The following CAST variants were observed in gnomAD, a reference collection of about 807,000 sequenced individuals.
CAST encodes calpastatin, also known as MIR583 host.
CAST carries 76 observed loss-of-function variants against 119.6 expected under a neutral mutation model. That is an observed-to-expected ratio of 0.64 (90% CI 0.53 to 0.77). CAST has a LOEUF of 0.77. Ranked by LOEUF, CAST falls within the 30% of genes least tolerant of loss-of-function variation. CAST has a pLI of 0.00. For missense variants in CAST, 953 were observed against 946.5 expected (o/e 1.01, Z -0.09); for synonymous variants, 319 against 331.6 (o/e 0.96, Z 0.41).
chr5:96,714,349 C>T (rs1303655711), intron 3 of CAST, among the ~76,000 whole-genome samples: 1 of 152,140 alleles, frequency 6.6e-6, no homozygotes, highest in Non-Finnish European at 1.5e-5. Context: ...TTATTTAATG[C>T]CCTTCACTAA....
the CAST span, among the ~76,000 whole-genome samples, chr5:96,300,900 A>C: frequency 6.8e-6 from 1 of 145,990 alleles, no homozygotes; most frequent in Non-Finnish European, 1.5e-5. Flanking sequence ...TTGTTTTTGG[A>C]AAGTTCACGT....
the CAST span, among the ~76,000 whole-genome samples, chr5:96,469,774 C>T: frequency 2.0e-5 from 3 of 149,922 alleles, no homozygotes; most frequent in East Asian, 5.9e-4. Flanking sequence ...GGAAGCATCC[C>T]ATGCATAATA....
At chr5:96,371,183 A>G in the CAST span, among the ~76,000 whole-genome samples, 1 of 152,216 alleles carries the variant, frequency 6.6e-6, no homozygotes, top group African/African-American at 2.4e-5. Flanking sequence ...AAATGGAGTC[A>G]CTTTTCTATG....
chr5:96,571,549 T>A (rs1472282111), intron 1 of CAST, among the ~76,000 whole-genome samples: 1 of 152,240 alleles, frequency 6.6e-6, no homozygotes, highest in African/African-American at 2.4e-5. Flanking sequence ...GTTACACAGT[T>A]AACTGAACCG....
At chr5:96,558,989 C>A (rs1360463149) in intron 1 of CAST, among the ~76,000 whole-genome samples, 1 of 152,038 alleles carries the variant, frequency 6.6e-6, no homozygotes, top group Admixed American at 6.6e-5. Flanking sequence ...TCCAGCAGCA[C>A]ATCAAAAAGC....
the CAST span, among the ~76,000 whole-genome samples, chr5:96,010,213 G>C: frequency 7.2e-5 from 11 of 152,160 alleles, no homozygotes; most frequent in Non-Finnish European, 1.6e-4. Context: ...AGTATAGCTT[G>C]AGATTGGGTA....
the CAST span, among the ~76,000 whole-genome samples, chr5:96,337,170 A>C: frequency 6.6e-6 from 1 of 152,156 alleles, no homozygotes; most frequent in African/African-American, 2.4e-5. Context: ...TCTGATTCCA[A>C]GGGTCTCTTC....
chr5:96,595,285 G>T (rs1471376961), intron 1 of CAST, among the ~76,000 whole-genome samples: 1 of 152,196 alleles, frequency 6.6e-6, no homozygotes, highest in Non-Finnish European at 1.5e-5. Flanking sequence ...GTGGCTCAAG[G>T]TGAGGAAAAA....
At chr5:96,344,158 A>G in the CAST span, among the ~76,000 whole-genome samples, 1 of 152,150 alleles carries the variant, frequency 6.6e-6, no homozygotes, top group African/African-American at 2.4e-5. Flanking sequence ...GCCAAGGGAC[A>G]ATATCAAAGG....
chr5:95,997,263 G>A, the CAST span, among the ~76,000 whole-genome samples: 2,790 of 152,236 alleles, frequency 0.018, 49 homozygotes, highest in South Asian at 0.025. Context: ...TAAAGAGGGT[G>A]TCTTTATCTA....
chr5:96,325,530 A>T, the CAST span, among the ~76,000 whole-genome samples: 3 of 148,790 alleles, frequency 2.0e-5, no homozygotes. Context: ...CCCAGGCTGG[A>T]GTGCAGTGGT....
the CAST span, among the ~76,000 whole-genome samples, chr5:96,046,765 C>T: frequency 6.6e-6 from 1 of 152,188 alleles, no homozygotes; most frequent in East Asian, 1.9e-4. Flanking sequence ...ATTGGACTTA[C>T]AGTTCCACAT....
chr5:96,204,341 C>T, the CAST span, among the ~76,000 whole-genome samples: 1 of 152,030 alleles, frequency 6.6e-6, no homozygotes, highest in African/African-American at 2.4e-5. Flanking sequence ...TACCACACAG[C>T]TATCTCTGTT....
the CAST span, among the ~76,000 whole-genome samples, chr5:96,423,088 C>T: frequency 6.6e-6 from 1 of 152,210 alleles, no homozygotes; most frequent in African/African-American, 2.4e-5. Flanking sequence ...TCTCCCAACA[C>T]ATATACTTTT....
the CAST span, chr5:96,432,856 C>G: frequency 6.2e-7 from 1 of 1,612,800 alleles, no homozygotes; most frequent in South Asian, 1.1e-5. Context: ...AAAGTGGAAA[C>G]TCTTACCTGA....
intron 1 of CAST, among the ~76,000 whole-genome samples, chr5:96,610,121 A>C (rs1041762571): frequency 2.0e-5 from 3 of 152,220 alleles, no homozygotes; most frequent in Non-Finnish European, 4.4e-5. Context: ...TAAGTCTCAC[A>C]AGATCTGATT....
At chr5:95,966,242 G>T in the CAST span, among the ~76,000 whole-genome samples, 3 of 152,110 alleles carry the variant, frequency 2.0e-5, no homozygotes, top group African/African-American at 4.8e-5. Flanking sequence ...CACTGATGGG[G>T]ATTATGAGAA....
the CAST span, among the ~76,000 whole-genome samples, chr5:96,021,930 A>G: frequency 1.3e-5 from 2 of 152,252 alleles, no homozygotes; most frequent in Non-Finnish European, 2.9e-5. Context: ...CGTGGATTCA[A>G]CCAAGGGTGG....
At chr5:96,351,984 T>A in the CAST span, among the ~76,000 whole-genome samples, 2 of 152,260 alleles carry the variant, frequency 1.3e-5, no homozygotes, top group South Asian at 4.1e-4. Context: ...TTTTTGTGAC[T>A]CCTTGTCTGG....
Sources: allele counts gnomAD v4.1 joint callset (sites outside exome capture counted in the v4.1 genomes callset), GRCh38; gene constraint gnomAD v4.1.1; transcripts MANE v1.5; gene names NCBI Gene and HGNC (gene_info 2026-07-23, HGNC 2026-07-21).